PTGER4: variants seen among roughly 807,000 people sequenced by gnomAD.
PTGER4 encodes prostaglandin E receptor 4, also known as prostaglandin E2 receptor EP4 subtype.
Under a neutral mutation model 33.2 loss-of-function variants are expected in PTGER4, and 11 were observed. The ratio of observed to expected loss-of-function variants is 0.33; its 90% confidence interval spans 0.21 to 0.55. The LOEUF is 0.55. Among genes scored for constraint, PTGER4 ranks in the 20% least tolerant of loss-of-function variants. The probability of loss-of-function intolerance (pLI) is 0.92; values close to 1 mark genes in which losing one functional copy is unlikely to be tolerated. For synonymous variants in PTGER4, 275 were observed against 281.5 expected (o/e 0.98, Z 0.23); for missense variants, 481 against 650.2 (o/e 0.74, Z 2.83).
the PTGER4 span, among the ~76,000 whole-genome samples, chr5:40,727,742 A>G: frequency 6.6e-6 from 1 of 152,134 alleles, no homozygotes; most frequent in Non-Finnish European, 1.5e-5. Flanking sequence ...AAAGTTGCCT[A>G]TTGTCTATTT....
At chr5:40,728,592 G>T in the PTGER4 span, 18 of 1,007,350 alleles carry the variant, frequency 1.8e-5, no homozygotes, top group South Asian at 2.8e-4. Flanking sequence ...ATAGCATTTC[G>T]GTGATTTTTA....
the PTGER4 span, among the ~76,000 whole-genome samples, chr5:40,708,209 C>CA: frequency 3.9e-5 from 6 of 152,058 alleles, no homozygotes; most frequent in South Asian, 1.0e-3. Context: ...GATAGAGACA[C>CA]AAAAAAACCT....
At chr5:40,708,141 C>T in the PTGER4 span, among the ~76,000 whole-genome samples, 3 of 152,074 alleles carry the variant, frequency 2.0e-5, no homozygotes, top group South Asian at 2.1e-4. Flanking sequence ...CAAGAGCAAA[C>T]ACATCCAAAA....
At chr5:40,707,291 A>G in the PTGER4 span, among the ~76,000 whole-genome samples, 5 of 152,224 alleles carry the variant, frequency 3.3e-5, no homozygotes, top group Admixed American at 6.5e-5. Context: ...AACCCATTTC[A>G]CGTGCAGAGA....
downstream of PTGER4, among the ~76,000 whole-genome samples, chr5:40,695,599 C>G (rs1210933716): frequency 6.6e-6 from 1 of 151,964 alleles, no homozygotes; most frequent in Non-Finnish European, 1.5e-5. Flanking sequence ...GTGTGCCCAG[C>G]TACTCAGGAG....
chr5:40,718,602 T>C, the PTGER4 span, among the ~76,000 whole-genome samples: 13 of 151,842 alleles, frequency 8.6e-5, no homozygotes, highest in South Asian at 2.7e-3. Flanking sequence ...TAGCTGGGCA[T>C]GGTGGCACCC....
At chr5:40,737,148 T>A in the PTGER4 span, among the ~76,000 whole-genome samples, 1 of 151,924 alleles carries the variant, frequency 6.6e-6, no homozygotes, top group Non-Finnish European at 1.5e-5. Context: ...ATACAAAAAA[T>A]CAGCCAGGCA....
chr5:40,705,077 C>G, the PTGER4 span, among the ~76,000 whole-genome samples: 3 of 152,142 alleles, frequency 2.0e-5, no homozygotes. Context: ...TCAAACCATA[C>G]TATGAGGCTA....
the PTGER4 span, among the ~76,000 whole-genome samples, chr5:40,724,053 T>A: frequency 6.6e-6 from 1 of 152,146 alleles, no homozygotes; most frequent in Non-Finnish European, 1.5e-5. Flanking sequence ...AGAATCAAGA[T>A]CTCAAAGAGA....
At chr5:40,743,292 G>A in the PTGER4 span, among the ~76,000 whole-genome samples, 3 of 152,156 alleles carry the variant, frequency 2.0e-5, no homozygotes, top group East Asian at 5.8e-4. Flanking sequence ...TTTTCAGACA[G>A]AGTCATAGCA....
rs1741522600 is a variant in PTGER4 at position 40,693,545 on chromosome 5, T to C, written c.*1167T>C. On this transcript the variant is annotated 3_prime_UTR_variant, in exon 3 of 3. Coordinates refer to ENST00000302472, the MANE Select transcript of PTGER4 (RefSeq NM_000958.3). ...ATGGTCACCTTGTAACAGTTTTGTGTAACTCCCAGTGATGCTGTACACATA... is the reference window on the plus strand; with the variant it reads ...ATGGTCACCTTGTAACAGTTTTGTGCAACTCCCAGTGATGCTGTACACATA... 10 of 985,896 alleles carry C rather than the reference T, an allele frequency of 1.0e-5. No homozygotes were observed. The highest frequency in any genetic ancestry group is 1.2e-5 in the Non-Finnish European group (10 of 829,830). The allele number at this position is 985,896 out of a possible 1,614,324, so 61.1% of individuals were successfully genotyped here.
At chr5:40,700,740 T>C in the PTGER4 span, among the ~76,000 whole-genome samples, 1 of 148,516 alleles carries the variant, frequency 6.7e-6, no homozygotes, top group African/African-American at 2.4e-5. Context: ...GAGTGCCAAG[T>C]TGTGAATTAC....
At position 40,683,600 on chromosome 5, in the gene PTGER4, G is replaced by T. The variant is rs939026196; in HGVS notation, c.867+1740G>T. 1.3e-5 allele frequency among the ~76,000 whole-genome samples: 2 copies of T among 152,204 alleles called. No homozygotes were observed. The highest frequency in any genetic ancestry group is 4.8e-5 in the African/African-American group (2 of 41,450). ...GGGACAGAGGAATTAGAGCTAGAAG[G>T]TTAGCAACATGCACATACTTTATAA... On this transcript the variant is annotated intron_variant, in intron 2 of 2. Coordinates refer to ENST00000302472, the MANE Select transcript of PTGER4 (RefSeq NM_000958.3). The surrounding 1 kb of genome is among the most constrained non-coding windows in gnomAD (Gnocchi z 4.2).
chr5:40,745,552 T>C, the PTGER4 span, among the ~76,000 whole-genome samples: 2 of 151,692 alleles, frequency 1.3e-5, no homozygotes, highest in Non-Finnish European at 1.5e-5. Flanking sequence ...GGAGACAGCG[T>C]CTCACTCTGT....
the PTGER4 span, among the ~76,000 whole-genome samples, chr5:40,745,052 G>A: frequency 6.6e-6 from 1 of 152,076 alleles, no homozygotes; most frequent in Non-Finnish European, 1.5e-5. Flanking sequence ...TACACACAAG[G>A]AAGCAATCAA....
downstream of PTGER4, among the ~76,000 whole-genome samples, chr5:40,697,694 A>AT (rs11399329): frequency 0.77 from 116,507 of 151,020 alleles, 45,148 homozygotes; most frequent in East Asian, 1. Flanking sequence ...AAAATTAGTA[A>AT]AAATATACAT....
the PTGER4 span, among the ~76,000 whole-genome samples, chr5:40,744,141 A>T: frequency 6.6e-6 from 1 of 152,242 alleles, no homozygotes; most frequent in South Asian, 2.1e-4. Context: ...TTCATAAATG[A>T]GGAGAATTTA....
At chr5:40,746,783 A>AT in the PTGER4 span, 192 of 1,580,422 alleles carry the variant, frequency 1.2e-4, no homozygotes, top group Admixed American at 3.3e-4. Context: ...TAAAAAAAAA[A>AT]CTTTAAATAC....
chr5:40,698,465 A>G (rs537540456), downstream of PTGER4, among the ~76,000 whole-genome samples: 37 of 152,326 alleles, frequency 2.4e-4, no homozygotes, highest in African/African-American at 8.9e-4. Flanking sequence ...AATAGCAGTG[A>G]AACCACAATA....
Sources: gnomAD v4.1 joint callset for allele counts (sites outside exome capture counted in the v4.1 genomes callset) on GRCh38, gnomAD v4.1.1 for gene constraint, Gnocchi (gnomAD v3.1) non-coding constraint, MANE v1.5 for transcripts, NCBI Gene and HGNC (gene_info 2026-07-23, HGNC 2026-07-21) for gene names.